The following IARS2 variants were observed in gnomAD, a reference collection of about 807,000 sequenced individuals.
IARS2 encodes the protein isoleucine--tRNA ligase, mitochondrial.
Under a neutral mutation model 126.3 loss-of-function variants are expected in IARS2, and 56 were observed. The observed-to-expected ratio is 0.44, with a 90% CI of 0.36 to 0.55. IARS2 has a LOEUF of 0.55. Among genes scored for constraint, IARS2 ranks in the 20% least tolerant of loss-of-function variants. The pLI is 0.00. For missense variants in IARS2, 1,127 were observed against 1,245.9 expected, an observed-to-expected ratio of 0.90 and a Z score of 1.44; for synonymous variants, 407 against 441.1, an observed-to-expected ratio of 0.92 and a Z score of 0.97.
chr1:220,141,189 A>AATCATC (rs1424152761), intron 19 of IARS2, among the ~76,000 whole-genome samples: 2 of 152,188 alleles, frequency 1.3e-5, no homozygotes, highest in Non-Finnish European at 2.9e-5. Flanking sequence ...GTGTTCAAAA[A>AATCATC]ATCATCACTA....
intron 12 of IARS2, among the ~76,000 whole-genome samples, 166 bp from the exon 13 acceptor site, chr1:220,125,071 G>A (rs1321265065): frequency 2.6e-5 from 4 of 152,122 alleles, no homozygotes; most frequent in Admixed American, 2.6e-4. Context: ...TTAAGGATAT[G>A]TATAATCAAT....
intron 9 of IARS2, 23 bp from the exon 10 acceptor site, chr1:220,107,038 T>C: frequency 7.0e-7 from 1 of 1,424,904 alleles, no homozygotes; most frequent in Non-Finnish European, 9.9e-7. Context: ...GATATTTTAA[T>C]TGTTCAAAAT....
chr1:220,131,591 A>G (rs929201200), intron 14 of IARS2, among the ~76,000 whole-genome samples: 1 of 152,034 alleles, frequency 6.6e-6, no homozygotes, highest in African/African-American at 2.4e-5. Flanking sequence ...ACCTCAGGCG[A>G]TCTGTCCGCC....
intron 14 of IARS2, among the ~76,000 whole-genome samples, chr1:220,129,844 G>A (rs933857960): frequency 6.6e-6 from 1 of 152,174 alleles, no homozygotes; most frequent in African/African-American, 2.4e-5. Flanking sequence ...TGGATATGCT[G>A]ATTTTATTTC....
chr1:220,138,750 A>G (rs1168412070), intron 17 of IARS2, among the ~76,000 whole-genome samples: 3 of 152,160 alleles, frequency 2.0e-5, no homozygotes, highest in Non-Finnish European at 4.4e-5. Flanking sequence ...ATTTGCCCCA[A>G]CGTAATAAAG....
At chr1:220,116,488 C>T (rs762974805) in intron 12 of IARS2, among the ~76,000 whole-genome samples, 10 of 151,714 alleles carry the variant, frequency 6.6e-5, no homozygotes, top group Non-Finnish European at 1.0e-4. Context: ...GGAATTTTTT[C>T]TAAATTATGC....
chr1:220,127,701 G>A (rs960145688), intron 14 of IARS2, among the ~76,000 whole-genome samples: 9 of 152,130 alleles, frequency 5.9e-5, no homozygotes, highest in African/African-American at 2.2e-4. Context: ...GCTTGTCTAT[G>A]AATCACACAA....
chr1:220,113,644 G>T (rs543699306), intron 11 of IARS2, among the ~76,000 whole-genome samples: 45 of 152,106 alleles, frequency 3.0e-4, no homozygotes, highest in South Asian at 2.3e-3. Context: ...TATATAGAGA[G>T]AGAGAGAGAT....
chr1:220,126,575 A>G (rs942674439), intron 13 of IARS2, among the ~76,000 whole-genome samples, 175 bp from the exon 14 acceptor site: 11 of 152,222 alleles, frequency 7.2e-5, no homozygotes, highest in Non-Finnish European at 1.3e-4. Flanking sequence ...ATACTTTTAA[A>G]TGTGAATGGA....
At chr1:220,144,351 TG>T in intron 21 of IARS2, 1 of 688,038 alleles carries the variant, frequency 1.5e-6, no homozygotes, top group Non-Finnish European at 2.6e-6. Flanking sequence ...TGCGCACCAT[TG>T]TGGTGGTGCA....
chr1:220,143,189 G>A (rs973667260), intron 21 of IARS2, 55 bp downstream of exon 21: 1 of 1,364,180 alleles, frequency 7.3e-7, no homozygotes, highest in Non-Finnish European at 1.0e-6. Flanking sequence ...AGCTTTGCCT[G>A]AAATTTGCTT....
chr1:220,128,575 A>G (rs1000683753), intron 14 of IARS2, among the ~76,000 whole-genome samples: 4 of 152,196 alleles, frequency 2.6e-5, no homozygotes, highest in Non-Finnish European at 5.9e-5. Flanking sequence ...GCAATGCATG[A>G]CTATGTATTG....
chr1:220,109,362 T>G (rs1656751853), intron 10 of IARS2, among the ~76,000 whole-genome samples: 1 of 148,388 alleles, frequency 6.7e-6, no homozygotes, highest in Admixed American at 6.8e-5. Flanking sequence ...ACTGCACCAC[T>G]GCACTCCATC....
intron 2 of IARS2, among the ~76,000 whole-genome samples, chr1:220,100,182 A>G (rs1017574510): frequency 2.6e-5 from 4 of 152,226 alleles, no homozygotes; most frequent in African/African-American, 4.8e-5. Context: ...GGGTTTGTCA[A>G]TGACAGAGTT....
At position 220,102,669 on chromosome 1, in the gene IARS2, A is replaced by T; in HGVS notation, c.860-18A>T. Reference sequence around the variant, plus strand: ...AATTATCCCATTTGCTAACATATTTACAATTGTATTTTCACAGATGGTTCA... The same window carrying T: ...AATTATCCCATTTGCTAACATATTTTCAATTGTATTTTCACAGATGGTTCA... On this transcript the variant is annotated intron_variant, in intron 6 of 22. Coordinates refer to ENST00000366922, the MANE Select transcript of IARS2 (RefSeq NM_018060.4). 6.3e-7 allele frequency: 1 copy of T among 1,599,890 alleles called. No homozygotes were observed. Among genetic ancestry groups the T allele is most frequent in the Non-Finnish European group, 8.6e-7 (1 of 1,167,054 alleles).
intron 12 of IARS2, among the ~76,000 whole-genome samples, chr1:220,114,986 A>G (rs1048205637): frequency 2.0e-5 from 3 of 152,000 alleles, no homozygotes; most frequent in Non-Finnish European, 1.5e-5. Context: ...GACATAGTGA[A>G]CAATTCATAG....
intron 14 of IARS2, among the ~76,000 whole-genome samples, chr1:220,127,591 G>C (rs1657180406): frequency 6.6e-6 from 1 of 152,166 alleles, no homozygotes; most frequent in Non-Finnish European, 1.5e-5. Flanking sequence ...TGTCACGGAG[G>C]CAGTGATGGA....
At chr1:220,120,524 G>C (rs779408851) in intron 12 of IARS2, among the ~76,000 whole-genome samples, 1 of 151,818 alleles carries the variant, frequency 6.6e-6, no homozygotes, top group African/African-American at 2.4e-5. Context: ...CTATAGTCAC[G>C]CACCACCATA....
intron 20 of IARS2, among the ~76,000 whole-genome samples, chr1:220,142,651 G>T (rs1402554970): frequency 4.6e-5 from 7 of 152,028 alleles, no homozygotes; most frequent in Non-Finnish European, 8.8e-5. Flanking sequence ...CACTTATAAT[G>T]TTACTCCTGA....
Sources: gnomAD v4.1 joint callset for allele counts (sites outside exome capture counted in the v4.1 genomes callset) on GRCh38, gnomAD v4.1.1 for gene constraint, MANE v1.5 for transcripts, NCBI Gene and HGNC (gene_info 2026-07-23, HGNC 2026-07-21) for gene names.